The following RBFOX3 variants were observed in gnomAD, a reference collection of about 807,000 sequenced individuals.
The protein encoded by RBFOX3 is RNA binding protein fox-1 homolog 3.
In RBFOX3, 17 loss-of-function variants were observed where a neutral mutation model predicts 48.7. The observed-to-expected ratio is 0.35, with a 90% confidence interval of 0.24 to 0.52. RBFOX3 has a LOEUF of 0.52. Ranked by LOEUF, RBFOX3 falls within the 20% of genes least tolerant of loss-of-function variation. The pLI, the probability that RBFOX3 is intolerant of heterozygous loss-of-function variation, is 0.94. For missense variants in RBFOX3, 382 were observed against 497.5 expected, an observed-to-expected ratio of 0.77 and a Z score of 2.21; for synonymous variants, 212 against 209.5, an observed-to-expected ratio of 1.01 and a Z score of -0.10.
chr17:79,412,986 C>T (rs1359834441), intron 2 of RBFOX3, among the ~76,000 whole-genome samples: 1 of 152,170 alleles, frequency 6.6e-6, no homozygotes, highest in East Asian at 1.9e-4. Context: ...CCCTTCTGCT[C>T]TCTGACAGCC....
At chr17:79,639,888 T>C in the RBFOX3 span, among the ~76,000 whole-genome samples, 2 of 152,134 alleles carry the variant, frequency 1.3e-5, no homozygotes, top group Non-Finnish European at 2.9e-5. Flanking sequence ...GGAAAAAAAC[T>C]GAAAGCCTTA....
intron 2 of RBFOX3, among the ~76,000 whole-genome samples, chr17:79,322,584 A>C (rs1226831760): frequency 6.6e-6 from 1 of 152,198 alleles, no homozygotes; most frequent in Non-Finnish European, 1.5e-5. Flanking sequence ...CAGCATCCAA[A>C]GGCAATGGTG....
At chr17:79,125,734 C>T (rs1320060552) in intron 4 of RBFOX3, among the ~76,000 whole-genome samples, 2 of 152,214 alleles carry the variant, frequency 1.3e-5, no homozygotes, top group Non-Finnish European at 2.9e-5. Flanking sequence ...AAGGGCGCCG[C>T]GTGGCCCTGG....
chr17:79,593,947 C>G (rs1051210997), intron 1 of RBFOX3, among the ~76,000 whole-genome samples: 5 of 152,124 alleles, frequency 3.3e-5, no homozygotes, highest in Non-Finnish European at 1.5e-5. Context: ...GGTTTGGGCA[C>G]CTGGGGAATC....
chr17:79,219,521 T>C (rs2059459723), intron 4 of RBFOX3, among the ~76,000 whole-genome samples: 2 of 152,086 alleles, frequency 1.3e-5, no homozygotes, highest in South Asian at 4.1e-4. Flanking sequence ...GAGGGCCCCT[T>C]CCTGCTTGGC....
At chr17:79,642,971 G>A in the RBFOX3 span, among the ~76,000 whole-genome samples, 1 of 152,154 alleles carries the variant, frequency 6.6e-6, no homozygotes, top group African/African-American at 2.4e-5. Flanking sequence ...GCATAGTGGT[G>A]CACTCCTATA....
At chr17:79,660,390 A>G in the RBFOX3 span, among the ~76,000 whole-genome samples, 1 of 152,224 alleles carries the variant, frequency 6.6e-6, no homozygotes, top group African/African-American at 2.4e-5. Flanking sequence ...AAAATTTGCT[A>G]TCTATCCATC....
intron 2 of RBFOX3, among the ~76,000 whole-genome samples, chr17:79,308,491 G>A (rs2076380901): frequency 6.6e-6 from 1 of 152,158 alleles, no homozygotes; most frequent in Admixed American, 6.5e-5. Flanking sequence ...GACACTGGGT[G>A]GGGGCAACGT....
intron 4 of RBFOX3, among the ~76,000 whole-genome samples, chr17:79,153,948 A>AT (rs1475889378): frequency 6.6e-6 from 1 of 151,728 alleles, no homozygotes; most frequent in Non-Finnish European, 1.5e-5. Flanking sequence ...TCTTGAGGGG[A>AT]TGGGAGGGGC....
At chr17:79,315,722 C>T (rs556523757) in intron 2 of RBFOX3, among the ~76,000 whole-genome samples, 73 of 152,338 alleles carry the variant, frequency 4.8e-4, no homozygotes, top group African/African-American at 1.6e-3. Context: ...ATAAGCCTGG[C>T]GTTTCTGCGG....
At position 79,106,631 on chromosome 17, in the gene RBFOX3, G is replaced by A. The variant is rs2077433431; in HGVS notation, c.360+20C>T. Reference sequence around the variant, plus strand: ...GGGGCAGGTGTGGAGGGCAGGATGGGTGGGGCCGCGCACACTCACCCCGAA... The same window carrying A: ...GGGGCAGGTGTGGAGGGCAGGATGGATGGGGCCGCGCACACTCACCCCGAA... On this transcript the variant is annotated intron_variant, in intron 6 of 14. Transcript: ENST00000693108. 6.9e-7 allele frequency: 1 copy of A among 1,441,412 alleles called. No homozygotes were observed. The highest frequency in any genetic ancestry group is 9.1e-7 in the Non-Finnish European group (1 of 1,101,244). The allele number at this position is 1,441,412 out of a possible 1,614,324, so 89.3% of individuals were successfully genotyped here. A position where few individuals can be genotyped will look rare whatever the true frequency, so the allele number is the denominator to read the frequency against.
chr17:79,367,180 C>T (rs1044054246), intron 2 of RBFOX3, among the ~76,000 whole-genome samples: 2 of 152,010 alleles, frequency 1.3e-5, no homozygotes, highest in Admixed American at 1.3e-4. Flanking sequence ...AGACACCCTC[C>T]TTTCCTTCTT....
At chr17:79,558,400 C>T (rs941354020) in intron 1 of RBFOX3, among the ~76,000 whole-genome samples, 211 of 152,310 alleles carry the variant, frequency 1.4e-3, no homozygotes, top group Admixed American at 1.6e-3. Context: ...GGGAACCGTC[C>T]GGAGGGTCCA....
intron 2 of RBFOX3, among the ~76,000 whole-genome samples, chr17:79,438,104 G>GCACACACACA (rs10659732): frequency 2.0e-5 from 3 of 150,686 alleles, no homozygotes. Flanking sequence ...GTGCACAGGC[G>GCACACACACA]CACACACACA....
At chr17:79,374,358 G>A (rs2058961436) in intron 2 of RBFOX3, among the ~76,000 whole-genome samples, 1 of 152,212 alleles carries the variant, frequency 6.6e-6, no homozygotes, top group Non-Finnish European at 1.5e-5. Context: ...GTGGTGCGGG[G>A]GCAGGCTGCT....
chr17:79,580,285 T>A (rs2093013951), intron 1 of RBFOX3, among the ~76,000 whole-genome samples: 1 of 100,340 alleles, frequency 1.0e-5, no homozygotes, highest in Admixed American at 1.4e-4. Context: ...CCCCCCATCC[T>A]CCTCCTCCTC....
intron 3 of RBFOX3, among the ~76,000 whole-genome samples, chr17:79,271,218 G>A (rs1046381496): frequency 1.3e-5 from 2 of 152,064 alleles, no homozygotes; most frequent in Admixed American, 1.3e-4. Flanking sequence ...TGGGATTACA[G>A]GTGCCCGTCA....
chr17:79,236,329 C>T (rs1393585792), intron 3 of RBFOX3, among the ~76,000 whole-genome samples: 1 of 152,078 alleles, frequency 6.6e-6, no homozygotes, highest in Non-Finnish European at 1.5e-5. Context: ...TGGAGTCTCG[C>T]TCTGTCTGGA....
the RBFOX3 span, among the ~76,000 whole-genome samples, chr17:79,651,405 G>A: frequency 6.6e-6 from 1 of 152,160 alleles, no homozygotes; most frequent in Non-Finnish European, 1.5e-5. Context: ...GGAAGATGCG[G>A]ATCATGTTCT....
Sources: gnomAD v4.1 joint callset for allele counts (sites outside exome capture counted in the v4.1 genomes callset) on GRCh38, gnomAD v4.1.1 for gene constraint, MANE v1.5 for transcripts, NCBI Gene and HGNC (gene_info 2026-07-23, HGNC 2026-07-21) for gene names.